Variants in ROR1 observed in about 807,000 individuals in gnomAD.
ROR1 encodes the protein ROR family WNT receptor 1.
A neutral mutation model predicts 78.8 loss-of-function variants in ROR1; 19 were observed. The observed-to-expected ratio is 0.24, with a 90% CI of 0.17 to 0.35. The LOEUF is 0.35. Ranked by LOEUF, ROR1 falls within the 10% of genes least tolerant of loss-of-function variation. The pLI is 1.00. For synonymous variants in ROR1, 386 were observed against 433.6 expected (o/e 0.89, Z 1.36); for missense variants, 917 against 1,177.8 (o/e 0.78, Z 3.24).
At chr1:64,106,372 G>C (rs1397900493) in intron 4 of ROR1, 2 of 152,058 alleles carry the variant, frequency 1.3e-5, no homozygotes, top group Non-Finnish European at 2.9e-5. Flanking sequence ...GAGATGATGG[G>C]GTTTTCTAAA....
In ROR1 at chr1:64,180,527, A is replaced by G. The variant is rs975853037; in HGVS notation, c.*1672A>G. The G allele has an allele frequency of 1.3e-5, 2 of 152,194 alleles. No homozygotes were observed. Among genetic ancestry groups the G allele is most frequent in the Non-Finnish European group, 2.9e-5 (2 of 68,020 alleles). 9.4% of individuals were successfully genotyped at this position (152,194 alleles called of 1,614,324 possible). ...CTGAGTCTTCAAATAACAAACATGA[A>G]CTTATAGGTACTGTGAACTAGAAGA... On this transcript the variant is annotated 3_prime_UTR_variant, in exon 9 of 9. Coordinates refer to ENST00000371079, the MANE Select transcript of ROR1 (RefSeq NM_005012.4).
At chr1:63,953,087 T>C (rs1037841504) in intron 1 of ROR1, among the ~76,000 whole-genome samples, 2 of 151,992 alleles carry the variant, frequency 1.3e-5, no homozygotes, top group Non-Finnish European at 2.9e-5. Flanking sequence ...CAAGAGTGAG[T>C]GTGGGGAGGC....
intron 4 of ROR1, among the ~76,000 whole-genome samples, chr1:64,054,832 T>A: frequency 6.6e-6 from 1 of 152,122 alleles, no homozygotes; most frequent in East Asian, 1.9e-4. Flanking sequence ...GAGATCAATG[T>A]GTTCATGGGG....
intron 1 of ROR1, among the ~76,000 whole-genome samples, chr1:63,812,533 G>GGATGA (rs1557508785): frequency 2.0e-5 from 3 of 152,122 alleles, no homozygotes; most frequent in African/African-American, 7.2e-5. Flanking sequence ...TGAATGAATG[G>GGATGA]ATGAATGAAT....
At chr1:63,783,125 A>G (rs900077336) in intron 1 of ROR1, among the ~76,000 whole-genome samples, 5 of 152,142 alleles carry the variant, frequency 3.3e-5, no homozygotes, top group Non-Finnish European at 7.4e-5. Flanking sequence ...CTGTGGAATG[A>G]AGCTGATCTC....
At chr1:63,857,651 C>G (rs1023975520) in intron 1 of ROR1, among the ~76,000 whole-genome samples, 1 of 152,172 alleles carries the variant, frequency 6.6e-6, no homozygotes, top group Admixed American at 6.5e-5. Context: ...AGCTGTGAGT[C>G]GTTGCATTCT....
chr1:63,945,960 C>T (rs1254565740), intron 1 of ROR1, among the ~76,000 whole-genome samples: 1 of 152,208 alleles, frequency 6.6e-6, no homozygotes, highest in Non-Finnish European at 1.5e-5. Context: ...AATCATCTCC[C>T]TCTTGTTCTG....
intron 1 of ROR1, among the ~76,000 whole-genome samples, chr1:63,839,054 A>G (rs1452058543): frequency 6.6e-6 from 1 of 152,126 alleles, no homozygotes; most frequent in Non-Finnish European, 1.5e-5. Context: ...TGATGTTCAC[A>G]TGACAACAAG....
At chr1:64,119,852 A>C (rs1211303034) in intron 4 of ROR1, among the ~76,000 whole-genome samples, 1 of 152,212 alleles carries the variant, frequency 6.6e-6, no homozygotes, top group African/African-American at 2.4e-5. Context: ...AAGAAAGGGC[A>C]GAGCTAGGAT....
At chr1:64,037,027 T>G (rs1403846053) in intron 2 of ROR1, among the ~76,000 whole-genome samples, 3 of 152,210 alleles carry the variant, frequency 2.0e-5, no homozygotes, top group Non-Finnish European at 4.4e-5. Flanking sequence ...CCAAGCACTC[T>G]CCATGTGGTG....
At chr1:64,072,749 GTATAT>G (rs1647017635) in intron 4 of ROR1, among the ~76,000 whole-genome samples, 2 of 152,070 alleles carry the variant, frequency 1.3e-5, no homozygotes, top group Non-Finnish European at 2.9e-5. Context: ...CTGGCAACTG[GTATAT>G]GATCCTGACC....
At chr1:63,781,744 T>TA (rs1317555352) in intron 1 of ROR1, among the ~76,000 whole-genome samples, 21 of 152,336 alleles carry the variant, frequency 1.4e-4, no homozygotes, top group Admixed American at 1.3e-3. Context: ...CTGCTATAGT[T>TA]ATGTAGCCAG....
chr1:63,900,235 C>A (rs540441091), intron 1 of ROR1, among the ~76,000 whole-genome samples: 2 of 152,112 alleles, frequency 1.3e-5, no homozygotes, highest in Non-Finnish European at 2.9e-5. Context: ...GGGCAGATCA[C>A]CTGAGGTCAG....
intron 1 of ROR1, among the ~76,000 whole-genome samples, chr1:63,983,885 C>T (rs958888984): frequency 6.6e-6 from 1 of 152,114 alleles, no homozygotes; most frequent in Non-Finnish European, 1.5e-5. Flanking sequence ...GCTTCCTTGC[C>T]AGATCAAATA....
chr1:64,168,792 A>G (rs976604222), intron 8 of ROR1, among the ~76,000 whole-genome samples: 3 of 152,254 alleles, frequency 2.0e-5, no homozygotes, highest in Admixed American at 6.5e-5. Flanking sequence ...AAATTGCCCA[A>G]CTAGGTTCAT....
chr1:63,973,523 G>C (rs1340560924), intron 1 of ROR1, among the ~76,000 whole-genome samples: 1 of 152,152 alleles, frequency 6.6e-6, no homozygotes, highest in Non-Finnish European at 1.5e-5. Context: ...GTGATTTGGT[G>C]ACTATAAATT....
intron 1 of ROR1, among the ~76,000 whole-genome samples, chr1:63,912,748 G>A (rs1176435183): frequency 1.3e-5 from 2 of 152,120 alleles, no homozygotes; most frequent in African/African-American, 4.8e-5. Flanking sequence ...GGAATGATAC[G>A]GGCTGTTCTC....
chr1:64,014,773 T>TATATATATATATATATATAC (rs71056017), intron 2 of ROR1, among the ~76,000 whole-genome samples: 5 of 47,006 alleles, frequency 1.1e-4, no homozygotes, highest in African/African-American at 2.2e-4. Context: ...TATATATATA[T>TATATATATATATATATATAC]ACACATTTTG....
At chr1:64,085,860 C>CT (rs1177743670) in intron 4 of ROR1, among the ~76,000 whole-genome samples, 6 of 152,112 alleles carry the variant, frequency 3.9e-5, no homozygotes, top group Non-Finnish European at 8.8e-5. Context: ...AGGCCTGTGA[C>CT]TTTAAGTGTT....
Sources: allele counts gnomAD v4.1 joint callset (sites outside exome capture counted in the v4.1 genomes callset), GRCh38; gene constraint gnomAD v4.1.1; transcripts MANE v1.5; gene names NCBI Gene and HGNC (gene_info 2026-07-23, HGNC 2026-07-21).